The following ACSL1 variants were observed in gnomAD, a reference collection of about 807,000 sequenced individuals.
ACSL1 encodes long-chain-fatty-acid--CoA ligase 1.
A neutral mutation model predicts 98.4 loss-of-function variants in ACSL1; 41 were observed. The observed-to-expected ratio is 0.42, with a 90% confidence interval of 0.32 to 0.54. The LOEUF is 0.54. ACSL1 is among the 20% of genes least tolerant of loss of function. The probability of loss-of-function intolerance (pLI) is 0.13; values close to 1 mark genes in which losing one functional copy is unlikely to be tolerated. For synonymous variants in ACSL1, 316 were observed against 322.7 expected (o/e 0.98, Z 0.22); for missense variants, 734 against 883.1 (o/e 0.83, Z 2.14).
intron 3 of ACSL1, among the ~76,000 whole-genome samples, chr4:184,784,411 A>C (rs896183365): frequency 2.0e-5 from 3 of 152,246 alleles, no homozygotes; most frequent in African/African-American, 7.2e-5. Flanking sequence ...CTAATTCAGA[A>C]TACGGAAAGG....
In ACSL1 at chr4:184,794,454, A is replaced by C. The variant is rs1768978915; in HGVS notation, c.196-5723T>G. ...ATGAGGCCTCACGCTCACTATTCGT[A>C]CTCACTACTGAACTAGCTGACTTCC... On this transcript the variant is annotated intron_variant, in intron 2 of 20. Coordinates refer to ENST00000281455, the MANE Select transcript of ACSL1 (RefSeq NM_001995.5). Among the ~76,000 whole-genome samples the C allele has an allele frequency of 2.6e-5, 4 of 152,286 alleles. No homozygotes were observed. In the South Asian group the frequency reaches 8.3e-4, roughly 32 times the overall value.
intron 1 of ACSL1, among the ~76,000 whole-genome samples, chr4:184,819,248 T>A (rs1772872319): frequency 6.6e-6 from 1 of 151,636 alleles, no homozygotes; most frequent in African/African-American, 2.4e-5. Flanking sequence ...GCTCAAGGGA[T>A]TCTCCTGCCT....
chr4:184,784,087 G>T (rs531009531), intron 3 of ACSL1, 96 bp from the exon 4 acceptor site: 5 of 952,364 alleles, frequency 5.3e-6, no homozygotes, highest in Non-Finnish European at 6.6e-6. Context: ...CTAAACATCA[G>T]CTAGACTCTA....
intron 18 of ACSL1, chr4:184,758,859 T>C (rs897168877): frequency 2.6e-5 from 4 of 151,202 alleles, no homozygotes; most frequent in African/African-American, 9.7e-5. Flanking sequence ...TAACTCGTCA[T>C]TTAACATTAG....
At chr4:184,821,592 C>G (rs533860925) in intron 1 of ACSL1, among the ~76,000 whole-genome samples, 1 of 152,304 alleles carries the variant, frequency 6.6e-6, no homozygotes, top group Non-Finnish European at 1.5e-5. Context: ...AAACACTTTT[C>G]AAATTATTGT....
At chr4:184,776,395 C>A in intron 7 of ACSL1, 89 bp downstream of exon 7, 1 of 1,440,456 alleles carries the variant, frequency 6.9e-7, no homozygotes, top group South Asian at 1.4e-5. Flanking sequence ...GGGACTGCAC[C>A]ATAGCACTAG....
intron 1 of ACSL1, among the ~76,000 whole-genome samples, chr4:184,820,520 T>C (rs1295267972): frequency 6.6e-6 from 1 of 152,166 alleles, no homozygotes; most frequent in Non-Finnish European, 1.5e-5. Context: ...GTAAATGAGA[T>C]GGGGGTAAAA....
chr4:184,812,028 G>C (rs146264824), intron 1 of ACSL1: 3,833 of 311,964 alleles, frequency 0.012, 40 homozygotes, highest in Middle Eastern at 0.02. Flanking sequence ...GGGAGGAGGC[G>C]GCGGTTCCAC....
intron 2 of ACSL1, among the ~76,000 whole-genome samples, chr4:184,794,927 G>A (rs897212268): frequency 6.9e-6 from 1 of 145,890 alleles, no homozygotes; most frequent in African/African-American, 2.7e-5. Flanking sequence ...CTATCCCAGA[G>A]GATTTGCTGA....
intron 1 of ACSL1, among the ~76,000 whole-genome samples, chr4:184,814,386 AAG>A: frequency 6.6e-6 from 1 of 151,920 alleles, no homozygotes. Flanking sequence ...AAGACTATGT[AAG>A]AGAAGGGAAA....
intron 11 of ACSL1, among the ~76,000 whole-genome samples, chr4:184,768,988 G>C (rs1764070663): frequency 6.6e-6 from 1 of 151,976 alleles, no homozygotes; most frequent in Admixed American, 6.5e-5. Flanking sequence ...AGAATCGCTT[G>C]AACCCAGGAG....
At chr4:184,812,881 A>T (rs1772261340) in intron 1 of ACSL1, among the ~76,000 whole-genome samples, 3 of 152,182 alleles carry the variant, frequency 2.0e-5, no homozygotes. Context: ...CTTCCAAACC[A>T]GGGAAACAGA....
chr4:184,812,640 G>T (rs1323450659), intron 1 of ACSL1, among the ~76,000 whole-genome samples: 5 of 152,144 alleles, frequency 3.3e-5, no homozygotes, highest in African/African-American at 4.8e-5. Flanking sequence ...GCCCAAGACT[G>T]CCATCAACTC....
chr4:184,785,501 T>C (rs1042470821), intron 3 of ACSL1, among the ~76,000 whole-genome samples: 6 of 151,428 alleles, frequency 4.0e-5, no homozygotes, highest in African/African-American at 1.5e-4. Flanking sequence ...AACAAACTTC[T>C]GACCCCTTAT....
intron 1 of ACSL1, among the ~76,000 whole-genome samples, chr4:184,814,544 T>A (rs1318464937): frequency 6.6e-6 from 1 of 152,222 alleles, no homozygotes; most frequent in East Asian, 1.9e-4. Context: ...GTGTTTTTAC[T>A]ACTATGTTGT....
At chr4:184,769,983 T>C (rs926268255) in intron 11 of ACSL1, among the ~76,000 whole-genome samples, 15 of 152,164 alleles carry the variant, frequency 9.9e-5, no homozygotes, top group African/African-American at 2.4e-4. Flanking sequence ...CAATCAAAAA[T>C]AGAGACTTCT....
intron 5 of ACSL1, 119 bp from the exon 6 acceptor site, chr4:184,777,102 GTGTTAGCTACTACTC>G: frequency 1.2e-6 from 1 of 844,876 alleles, no homozygotes; most frequent in South Asian, 1.6e-5. Context: ...ATTAACATCT[GTGTTAGCTACTACTC>G]TGTGCCAGGT....
chr4:184,823,759 C>T (rs1333604952), intron 1 of ACSL1, among the ~76,000 whole-genome samples: 1 of 152,192 alleles, frequency 6.6e-6, no homozygotes, highest in African/African-American at 2.4e-5. Context: ...AATGTCAATG[C>T]ATAAGAAATT....
intron 1 of ACSL1, among the ~76,000 whole-genome samples, chr4:184,817,172 T>G (rs1356924507): frequency 2.6e-5 from 4 of 152,052 alleles, no homozygotes; most frequent in Non-Finnish European, 5.9e-5. Context: ...AGAGAGCAGT[T>G]TCTATTCCCC....
Sources: allele counts gnomAD v4.1 joint callset (sites outside exome capture counted in the v4.1 genomes callset), GRCh38; gene constraint gnomAD v4.1.1; transcripts MANE v1.5; gene names NCBI Gene and HGNC (gene_info 2026-07-23, HGNC 2026-07-21).